HCRTR2: variants seen among roughly 807,000 people sequenced by gnomAD.
HCRTR2 encodes orexin receptor type 2.
HCRTR2 carries 22 observed loss-of-function variants against 49.0 expected under a neutral mutation model. The observed-to-expected ratio is 0.45, with a 90% confidence interval of 0.32 to 0.64. HCRTR2 has a LOEUF of 0.64. HCRTR2 is among the 30% of genes least tolerant of loss of function. HCRTR2 has a pLI of 0.04. For missense variants in HCRTR2, 491 were observed against 559.4 expected, an observed-to-expected ratio of 0.88 and a Z score of 1.23; for synonymous variants, 236 against 205.3, an observed-to-expected ratio of 1.15 and a Z score of -1.28.
At chr6:55,131,818 A>G (rs1561981596) in intron 1 of HCRTR2, among the ~76,000 whole-genome samples, 1 of 151,818 alleles carries the variant, frequency 6.6e-6, no homozygotes, top group African/African-American at 2.4e-5. Context: ...TGTCATGCCA[A>G]TACTATGTGA....
intron 1 of HCRTR2, among the ~76,000 whole-genome samples, chr6:55,111,501 A>G (rs1004189078): frequency 6.6e-6 from 1 of 152,104 alleles, no homozygotes; most frequent in Non-Finnish European, 1.5e-5. Flanking sequence ...ATGAAAGATT[A>G]TTCAAGGGTA....
At chr6:55,174,274 T>C (rs1047398800), upstream of HCRTR2, 1 of 401,010 alleles carries the variant, frequency 2.5e-6, no homozygotes. Flanking sequence ...GAATGAGGAG[T>C]AATTGAGCTT....
intron 3 of HCRTR2, among the ~76,000 whole-genome samples, chr6:55,255,823 T>C (rs539700427): frequency 2.0e-5 from 3 of 152,346 alleles, no homozygotes; most frequent in South Asian, 4.1e-4. Context: ...TAAGACCATG[T>C]CCTGGATCAC....
intron 1 of HCRTR2, among the ~76,000 whole-genome samples, chr6:55,137,199 C>T (rs1183441698): frequency 6.6e-6 from 1 of 152,150 alleles, no homozygotes; most frequent in African/African-American, 2.4e-5. Flanking sequence ...ATTTCTATTT[C>T]TATGACAGGA....
intron 1 of HCRTR2, among the ~76,000 whole-genome samples, chr6:55,145,980 T>C (rs181925249): frequency 8.5e-5 from 13 of 152,176 alleles, no homozygotes; most frequent in Admixed American, 7.9e-4. Flanking sequence ...TTCTCTGTGA[T>C]AGCACTTTGT....
chr6:55,157,724 A>G (rs1012230539), intron 1 of HCRTR2, among the ~76,000 whole-genome samples: 7 of 152,230 alleles, frequency 4.6e-5, no homozygotes, highest in Non-Finnish European at 8.8e-5. Context: ...GGAAGAGAAT[A>G]AAAGTCTCTG....
chr6:55,282,934 T>C (rs1003312093), downstream of HCRTR2, among the ~76,000 whole-genome samples: 7 of 152,154 alleles, frequency 4.6e-5, no homozygotes, highest in Non-Finnish European at 7.4e-5. Context: ...TAATGTGATA[T>C]CTGAGAAAAT....
In HCRTR2 at chr6:55,255,329, G is replaced by C; in HGVS notation, c.596G>C (p.Gly199Ala). 1 of 1,614,046 alleles carries C rather than the reference G, an allele frequency of 6.2e-7. No homozygotes were observed. The highest frequency in any genetic ancestry group is 2.2e-5 in the East Asian group (1 of 44,874). Residue 199 changes from glycine to alanine, a missense_variant, in exon 3 of 7, where the codon GGC (glycine) becomes GCC (alanine). Coordinates refer to ENST00000370862, the MANE Select transcript of HCRTR2 (RefSeq NM_001384272.1). Reference sequence around the variant, plus strand: ...ATGGAGTGCAGCACCGTGTTCCCAGGCTTAGCCAATAAAACCACCCTCTTT... The same window carrying C: ...ATGGAGTGCAGCACCGTGTTCCCAGCCTTAGCCAATAAAACCACCCTCTTT... ...IVMECSTVFPGLANKTTLFTV... is the reference protein window; with the variant it reads ...IVMECSTVFPALANKTTLFTV...
At chr6:55,140,625 T>A (rs1342543431) in intron 1 of HCRTR2, among the ~76,000 whole-genome samples, 3 of 152,162 alleles carry the variant, frequency 2.0e-5, no homozygotes, top group Admixed American at 1.3e-4. Flanking sequence ...ACAAAATTTT[T>A]AACATATATT....
chr6:55,204,789 C>T (rs1765572726), intron 1 of HCRTR2, among the ~76,000 whole-genome samples: 1 of 152,042 alleles, frequency 6.6e-6, no homozygotes, highest in Non-Finnish European at 1.5e-5. Context: ...CTCCCCTCCC[C>T]TCCCCTTCCC....
At chr6:55,146,812 T>C (rs993899974) in intron 1 of HCRTR2, among the ~76,000 whole-genome samples, 2 of 152,174 alleles carry the variant, frequency 1.3e-5, no homozygotes, top group African/African-American at 4.8e-5. Context: ...GGGCCCATGA[T>C]GTTTCTGCTT....
chr6:55,217,766 C>A (rs1180252796), intron 1 of HCRTR2, among the ~76,000 whole-genome samples: 1 of 152,186 alleles, frequency 6.6e-6, no homozygotes, highest in Non-Finnish European at 1.5e-5. Flanking sequence ...GCACCCTTAA[C>A]ACTCTATTTA....
intron 1 of HCRTR2, among the ~76,000 whole-genome samples, chr6:55,221,429 C>A (rs1320888815): frequency 2.0e-5 from 3 of 152,180 alleles, no homozygotes; most frequent in Non-Finnish European, 4.4e-5. Context: ...AGGATAGTCT[C>A]TTCAACAATT....
chr6:55,283,094 A>T (rs1247495617), downstream of HCRTR2, among the ~76,000 whole-genome samples: 1 of 152,222 alleles, frequency 6.6e-6, no homozygotes, highest in African/African-American at 2.4e-5. Flanking sequence ...AGACTCTATC[A>T]CAGTAAAAGT....
At chr6:55,163,266 A>C (rs1163304972) in intron 1 of HCRTR2, among the ~76,000 whole-genome samples, 3 of 151,942 alleles carry the variant, frequency 2.0e-5, no homozygotes, top group East Asian at 1.9e-4. Flanking sequence ...AACAAAAAAA[A>C]AAAAACTACC....
upstream of HCRTR2, among the ~76,000 whole-genome samples, chr6:55,171,408 C>T (rs960240267): frequency 2.0e-5 from 3 of 152,064 alleles, no homozygotes; most frequent in Non-Finnish European, 4.4e-5. Context: ...TCCCTACATC[C>T]AGCAGAAATA....
chr6:55,248,632 A>C lies in HCRTR2; in HGVS notation c.224-7A>C. On this transcript the variant is annotated splice_region_variant and splice_polypyrimidine_tract_variant and intron_variant, in intron 1 of 6. Transcript: ENST00000370862. ...TGAGTGCCTATTCCTTTTTCTTTTC[A>C]AATTAGTTTGTGTGGCAGTGTGGAA... The C allele has an allele frequency of 6.2e-7, 1 of 1,611,034 alleles. No homozygotes were observed. Among genetic ancestry groups the C allele is most frequent in the South Asian group, 1.1e-5 (1 of 91,038 alleles).
At chr6:55,131,321 A>C (rs1262681626) in intron 1 of HCRTR2, among the ~76,000 whole-genome samples, 1 of 151,820 alleles carries the variant, frequency 6.6e-6, no homozygotes, top group Non-Finnish European at 1.5e-5. Flanking sequence ...TAAGAAAAGA[A>C]AAACAAATGT....
intron 1 of HCRTR2, among the ~76,000 whole-genome samples, chr6:55,124,982 C>G (rs1764253168): frequency 6.6e-6 from 1 of 150,846 alleles, no homozygotes; most frequent in Non-Finnish European, 1.5e-5. Flanking sequence ...ATCCTCCAAA[C>G]CTTTATTTTG....
Sources: gnomAD v4.1 joint callset for allele counts (sites outside exome capture counted in the v4.1 genomes callset) on GRCh38, gnomAD v4.1.1 for gene constraint, MANE v1.5 for transcripts, NCBI Gene and HGNC (gene_info 2026-07-23, HGNC 2026-07-21) for gene names.